The following CDH11 variants were observed in gnomAD, a reference collection of about 807,000 sequenced individuals.
CDH11 encodes the protein cadherin-11.
Under a neutral mutation model 67.8 loss-of-function variants are expected in CDH11, and 11 were observed. The observed-to-expected ratio is 0.16, with a 90% CI of 0.10 to 0.27. The LOEUF (loss-of-function observed/expected upper bound fraction) is 0.27. Among genes scored for constraint, CDH11 ranks in the 10% least tolerant of loss-of-function variants. The probability of loss-of-function intolerance (pLI) is 1.00; values close to 1 mark genes in which losing one functional copy is unlikely to be tolerated. For missense variants in CDH11, 847 were observed against 1,031.2 expected (o/e 0.82, Z 2.45); for synonymous variants, 419 against 400.0 (o/e 1.05, Z -0.57).
intron 1 of CDH11, among the ~76,000 whole-genome samples, chr16:65,106,763 C>A (rs996473337): frequency 1.1e-4 from 17 of 152,272 alleles, no homozygotes; most frequent in African/African-American, 3.6e-4. Context: ...CAGGGCTGGA[C>A]AGGAGCCAAA....
intron 2 of CDH11, among the ~76,000 whole-genome samples, chr16:65,051,339 A>C (rs2074052974): frequency 6.6e-6 from 1 of 152,178 alleles, no homozygotes. Context: ...GGGGACTACC[A>C]TCTATTTAAC....
At chr16:65,004,601 G>A (rs772802354) in intron 3 of CDH11, 41 bp downstream of exon 3, 14 of 1,575,938 alleles carry the variant, frequency 8.9e-6, no homozygotes, top group Non-Finnish European at 1.1e-5. Flanking sequence ...CTATTCCAAT[G>A]GTGGGTTGGA....
intron 1 of CDH11, among the ~76,000 whole-genome samples, chr16:65,120,420 C>T (rs1467865058): frequency 6.6e-6 from 1 of 152,154 alleles, no homozygotes; most frequent in African/African-American, 2.4e-5. Flanking sequence ...GGTAGCCTCC[C>T]TGTGATTAAA....
intron 1 of CDH11, among the ~76,000 whole-genome samples, chr16:65,080,673 G>GC (rs920108640): frequency 6.6e-6 from 1 of 152,210 alleles, no homozygotes; most frequent in Admixed American, 6.5e-5. Flanking sequence ...TTCTATGGGA[G>GC]CAATGGTATT....
At chr16:64,972,846 G>C (rs2072046197) in intron 9 of CDH11, 58 bp downstream of exon 9, 2 of 1,558,238 alleles carry the variant, frequency 1.3e-6, no homozygotes, top group African/African-American at 1.4e-5. Context: ...CCAGAATATA[G>C]AGTCTGAAGC....
intron 2 of CDH11, among the ~76,000 whole-genome samples, chr16:65,013,669 A>G (rs957697349): frequency 2.0e-5 from 3 of 152,090 alleles, no homozygotes; most frequent in Non-Finnish European, 4.4e-5. Context: ...CTAAAAAAAT[A>G]TACAAAAATT....
chr16:65,064,884 G>A (rs980991086), intron 1 of CDH11, among the ~76,000 whole-genome samples: 1 of 152,186 alleles, frequency 6.6e-6, no homozygotes, highest in Admixed American at 6.5e-5. Flanking sequence ...CTGAATGACT[G>A]AGAGGTGAGG....
chr16:65,116,498 G>A (rs2075247615), intron 1 of CDH11, among the ~76,000 whole-genome samples: 1 of 152,200 alleles, frequency 6.6e-6, no homozygotes, highest in Admixed American at 6.5e-5. Flanking sequence ...AATCATTCCA[G>A]TGCAGAGGAC....
At chr16:65,082,459 G>A (rs1407477691) in intron 1 of CDH11, among the ~76,000 whole-genome samples, 2 of 152,142 alleles carry the variant, frequency 1.3e-5, no homozygotes, top group Non-Finnish European at 2.9e-5. Context: ...GTCAGACTGG[G>A]CACCTGGTAT....
intron 1 of CDH11, among the ~76,000 whole-genome samples, chr16:65,058,680 G>C (rs1244295112): frequency 6.6e-6 from 1 of 151,944 alleles, no homozygotes; most frequent in Non-Finnish European, 1.5e-5. Flanking sequence ...GATTTTTTTT[G>C]TAAAAAATTG....
At chr16:65,015,030 A>ATTG (rs1375149271) in intron 2 of CDH11, among the ~76,000 whole-genome samples, 1 of 146,664 alleles carries the variant, frequency 6.8e-6, no homozygotes, top group Non-Finnish European at 1.5e-5. Flanking sequence ...TATTATTATT[A>ATTG]TTATTATTAT....
chr16:64,992,108 T>G (rs1049895384), intron 5 of CDH11, among the ~76,000 whole-genome samples, 173 bp from the exon 6 acceptor site: 6 of 152,220 alleles, frequency 3.9e-5, no homozygotes, highest in African/African-American at 1.4e-4. Flanking sequence ...TCATTATGTC[T>G]TTTCAAGCAA....
chr16:65,075,575 C>T (rs1249984342), intron 1 of CDH11, among the ~76,000 whole-genome samples: 2 of 152,178 alleles, frequency 1.3e-5, no homozygotes, highest in Non-Finnish European at 2.9e-5. Flanking sequence ...TATGATGATC[C>T]TTTGGCAAGG....
At chr16:64,950,134 T>C (rs2071318499) in intron 12 of CDH11, among the ~76,000 whole-genome samples, 1 of 152,158 alleles carries the variant, frequency 6.6e-6, no homozygotes, top group South Asian at 2.1e-4. Context: ...TACCAGCACA[T>C]GGCTTTTCTA....
At chr16:65,094,893 G>C in intron 1 of CDH11, 1 of 152,038 alleles carries the variant, frequency 6.6e-6, no homozygotes, top group East Asian at 1.9e-4. Flanking sequence ...CCAGCTTGCA[G>C]AACTGTGAGA....
At chr16:65,079,892 T>C (rs1396285977) in intron 1 of CDH11, among the ~76,000 whole-genome samples, 2 of 152,212 alleles carry the variant, frequency 1.3e-5, no homozygotes, top group Admixed American at 6.5e-5. Flanking sequence ...CCTGGAAACA[T>C]CTCTTTTCTT....
chr16:65,049,524 C>T (rs1351462918), intron 2 of CDH11, among the ~76,000 whole-genome samples: 1 of 152,146 alleles, frequency 6.6e-6, no homozygotes, highest in African/African-American at 2.4e-5. Flanking sequence ...ATGTAAAGCA[C>T]ATATCACAGT....
At chr16:65,087,922 T>C (rs182983260) in intron 1 of CDH11, among the ~76,000 whole-genome samples, 14 of 152,290 alleles carry the variant, frequency 9.2e-5, no homozygotes, top group African/African-American at 2.4e-4. Flanking sequence ...ATCGTGGAAA[T>C]GTAGAGGTGC....
At chr16:65,056,221 T>C (rs1464054522) in intron 1 of CDH11, among the ~76,000 whole-genome samples, 1 of 152,190 alleles carries the variant, frequency 6.6e-6, no homozygotes, top group Non-Finnish European at 1.5e-5. Context: ...ATTACTGTGC[T>C]GTGAGAAAGC....
Sources: gnomAD v4.1 joint callset for allele counts (sites outside exome capture counted in the v4.1 genomes callset) on GRCh38, gnomAD v4.1.1 for gene constraint, MANE v1.5 for transcripts, NCBI Gene and HGNC (gene_info 2026-07-23, HGNC 2026-07-21) for gene names.